The following CEP78 variants were observed in gnomAD, a reference collection of about 807,000 sequenced individuals.
The protein encoded by CEP78 is centrosomal protein of 78 kDa.
CEP78 carries 76 observed loss-of-function variants against 81.2 expected under a neutral mutation model. The observed-to-expected ratio is 0.94, with a 90% confidence interval of 0.78 to 1.13. CEP78 has a LOEUF of 1.13. Ranked by LOEUF, CEP78 falls within the 50% of genes most tolerant of loss-of-function variation. The probability of loss-of-function intolerance (pLI) is 0.00; values close to 1 mark genes in which losing one functional copy is unlikely to be tolerated. For missense variants in CEP78, 918 were observed against 846.8 expected (o/e 1.08, Z -1.04); for synonymous variants, 293 against 301.4 (o/e 0.97, Z 0.29).
intron 9 of CEP78, 31 bp downstream of exon 9, chr9:78,252,074 A>G (rs1260212737): frequency 2.0e-6 from 3 of 1,530,774 alleles, no homozygotes; most frequent in Non-Finnish European, 2.7e-6. Context: ...ATCTTTTAGG[A>G]TAAAAATGGG....
Position 78,264,249 on chromosome 9 carries a change from G to A in CEP78, c.1558G>A (p.Val520Ile). ...AAATATGATCCTGGATGATGAAGGTGTTTTGGGCAGCATTGAGAATTCTTT... is the reference window on the plus strand; with the variant it reads ...AAATATGATCCTGGATGATGAAGGTATTTTGGGCAGCATTGAGAATTCTTT... ...LTNMILDDEG[V>I]LGSIENSFQK... The change falls in exon 13 of 17, where the codon GTT (valine) becomes ATT (isoleucine). Residue 520 changes from valine (V) to isoleucine (I), a missense_variant. By Grantham distance (29) the Val-to-Ile change is conservative (BLOSUM62 3). Transcript: ENST00000643273. 1 of 1,612,244 alleles carries A rather than the reference G, an allele frequency of 6.2e-7. No individual in the cohort carries two copies. The highest frequency in any genetic ancestry group is 1.1e-5 in the South Asian group (1 of 90,986).
chr9:78,267,060 TG>T lies in CEP78; in HGVS notation c.2107+358del, dbSNP rs572942692. On this transcript the variant is annotated intron_variant, in intron 16 of 16. Transcript: ENST00000643273. ...CTTTAAATTTTAATAAATTTTCTTA[TG>T]TTTTTATTATGGCATATGGTGTCTT... The T allele has an allele frequency of 3.5e-4, 394 of 1,140,468 alleles. 1 individual carries two copies. The South Asian group carries it at 5.0e-3, about 15-fold the overall frequency. The allele number at this position is 1,140,468 out of a possible 1,614,324, so 70.6% of individuals were successfully genotyped here.
At chr9:78,255,070 T>G in intron 11 of CEP78, 106 bp downstream of exon 11, 1 of 896,532 alleles carries the variant, frequency 1.1e-6, no homozygotes, top group Non-Finnish European at 1.6e-6. Flanking sequence ...GGAATTCTGT[T>G]TTCGCCTTCC....
In CEP78 at chr9:78,270,909, G is replaced by C; in HGVS notation, c.*58G>C. 1 of 655,168 alleles carries C rather than the reference G, an allele frequency of 1.5e-6. No homozygotes were observed. Among genetic ancestry groups the C allele is most frequent in the South Asian group, 1.7e-5 (1 of 57,362 alleles). The allele number at this position is 655,168 out of a possible 1,614,324, so 40.6% of individuals were successfully genotyped here. ...AGCAGAGTTGGAAAACCAGAAATTT[G>C]AACAGTGAAATTTCTGGAAGATAAG... is the stretch of plus-strand genomic sequence containing the variant. On this transcript the variant is annotated 3_prime_UTR_variant, in exon 17 of 17. Coordinates refer to ENST00000643273, the MANE Select transcript of CEP78 (RefSeq NM_001330691.3).
chr9:78,256,241 T>G (rs1034484997), intron 11 of CEP78, among the ~76,000 whole-genome samples: 3 of 152,084 alleles, frequency 2.0e-5, no homozygotes, highest in Admixed American at 6.6e-5. Context: ...TACACAGATA[T>G]GCATATAGGA....
At chr9:78,246,194 T>C (rs1171689432) in intron 5 of CEP78, among the ~76,000 whole-genome samples, 2 of 152,126 alleles carry the variant, frequency 1.3e-5, no homozygotes, top group Non-Finnish European at 1.5e-5. Context: ...TGTGTGTGCA[T>C]ATGGTTTTCT....
chr9:78,267,208 G>T, intron 16 of CEP78: 1 of 441,006 alleles, frequency 2.3e-6, no homozygotes. Flanking sequence ...TTTACTGAGG[G>T]GCTAGTATGT....
At chr9:78,242,862 T>G (rs1321727671) in intron 4 of CEP78, among the ~76,000 whole-genome samples, 2 of 152,200 alleles carry the variant, frequency 1.3e-5, no homozygotes, top group African/African-American at 4.8e-5. Context: ...CTTTGTATAT[T>G]CTAGGCCTCT....
At chr9:78,254,263 T>C (rs1300537121) in intron 10 of CEP78, among the ~76,000 whole-genome samples, 1 of 152,200 alleles carries the variant, frequency 6.6e-6, no homozygotes, top group African/African-American at 2.4e-5. Flanking sequence ...AGACAGGGTC[T>C]TGCTATGTTG....
In CEP78 at chr9:78,270,900, C is replaced by T. The variant is rs1018574472; in HGVS notation, c.*49C>T. 15 of 659,644 alleles carry T rather than the reference C, an allele frequency of 2.3e-5. No homozygotes were observed. The highest frequency in any genetic ancestry group is 5.2e-5 in the Admixed American group (2 of 38,532). The allele number at this position is 659,644 out of a possible 1,614,324, so 40.9% of individuals were successfully genotyped here. A position where few individuals can be genotyped will look rare whatever the true frequency, so the allele number is the denominator to read the frequency against. ...AAAAATAATAGCAGAGTTGGAAAAC[C>T]AGAAATTTGAACAGTGAAATTTCTG... On this transcript the variant is annotated 3_prime_UTR_variant, in exon 17 of 17. Coordinates refer to ENST00000643273, the MANE Select transcript of CEP78 (RefSeq NM_001330691.3).
rs563933588 is a variant in CEP78 at position 78,277,036 on chromosome 9, C to A, written c.*6185C>A. On this transcript the variant is annotated 3_prime_UTR_variant, in exon 17 of 17. Coordinates refer to ENST00000643273, the MANE Select transcript of CEP78 (RefSeq NM_001330691.3). ...TAGAACCGAGAACCTAGGAACAGAG[C>A]AATGTATATATATATGTATTTAAAA... is the stretch of plus-strand genomic sequence containing the variant. 2.6e-5 allele frequency: 4 copies of A among 151,480 alleles called. No homozygotes were observed. The highest frequency in any genetic ancestry group is 2.1e-4 in the South Asian group (1 of 4,758). The allele number at this position is 151,480 out of a possible 1,614,324, so 9.4% of individuals were successfully genotyped here. A position where few individuals can be genotyped will look rare whatever the true frequency, so the allele number is the denominator to read the frequency against.
In CEP78 at chr9:78,273,258, C is replaced by A. The variant is rs1044163538; in HGVS notation, c.*2407C>A. ...CTATTTGCAAAATCTAAAACGCTGT[C>A]ATAGATTATAAAGAGATGAACAAAA... On this transcript the variant is annotated 3_prime_UTR_variant, in exon 17 of 17. Coordinates refer to ENST00000643273, the MANE Select transcript of CEP78 (RefSeq NM_001330691.3). The A allele has an allele frequency of 6.6e-6, 1 of 152,098 alleles. No homozygotes were observed. The highest frequency in any genetic ancestry group is 1.5e-5 in the Non-Finnish European group (1 of 68,022). 9.4% of individuals were successfully genotyped at this position (152,098 alleles called of 1,614,324 possible).
At chr9:78,244,878 T>A (rs1403643173) in intron 5 of CEP78, among the ~76,000 whole-genome samples, 3 of 152,214 alleles carry the variant, frequency 2.0e-5, no homozygotes, top group Non-Finnish European at 4.4e-5. Flanking sequence ...GGTAAATTCT[T>A]AGAAGGAGAG....
Position 78,265,845 on chromosome 9 carries a change from C to A in CEP78, c.1798-14C>A. 1 of 1,270,746 alleles carries A rather than the reference C, an allele frequency of 7.9e-7. No homozygotes were observed. Among genetic ancestry groups the A allele is most frequent in the South Asian group, 1.3e-5 (1 of 78,200 alleles). 78.7% of individuals were successfully genotyped at this position (1,270,746 alleles called of 1,614,324 possible). A position where few individuals can be genotyped will look rare whatever the true frequency, so the allele number is the denominator to read the frequency against. On this transcript the variant is annotated splice_polypyrimidine_tract_variant and intron_variant, in intron 14 of 16. Transcript: ENST00000643273. ...CAATTTTATAAATGTCTATTCTATT[C>A]ATATTCCATCTAGGTTTCTATTTGT...
At chr9:78,263,484 T>G (rs1165963051) in intron 12 of CEP78, among the ~76,000 whole-genome samples, 5 of 152,124 alleles carry the variant, frequency 3.3e-5, no homozygotes, top group Non-Finnish European at 5.9e-5. Flanking sequence ...TAACTATAAT[T>G]TATTATTACA....
rs4877502 is a variant in CEP78, at chr9:78,241,993, A to G, written c.603+194A>G. On this transcript the variant is annotated intron_variant, in intron 4 of 16. Transcript: ENST00000643273. ...AAAGGTAGTATGCTTAATCTTAGAA[A>G]TAGAAGACCTAAAATATAATAATTA... Among the ~76,000 whole-genome samples the G allele has an allele frequency of 0.29, 44,641 of 152,128 alleles. 7,935 individuals carry two copies. The highest frequency in any genetic ancestry group is 0.41 in the Middle Eastern group (121 of 292).
rs1206496588 is a variant in CEP78 at position 78,236,433 on chromosome 9, C to G, written c.83C>G (p.Ser28Trp). 6.2e-7 allele frequency: 1 copy of G among 1,602,276 alleles called. No individual in the cohort carries two copies. The highest frequency in any genetic ancestry group is 1.1e-5 in the South Asian group (1 of 89,090). ...GAGTACCTGTGCGCGCTGCAGAACT[C>G]GGTGCCGCTGCCCGCCGTGCGCGCC... ...HYEYLCALQN[S>W]VPLPAVRACL... Residue 28 changes from serine to tryptophan, a missense_variant, in exon 1 of 17, where the codon TCG (serine) becomes TGG (tryptophan). By Grantham distance (177) the Ser-to-Trp change is radical. Coordinates refer to ENST00000643273, the MANE Select transcript of CEP78 (RefSeq NM_001330691.3).
At chr9:78,254,433 C>T (rs1393426411) in intron 10 of CEP78, 3 of 152,296 alleles carry the variant, frequency 2.0e-5, no homozygotes, top group East Asian at 1.9e-4. Context: ...TCCTAAAAAT[C>T]GTCCTGTCTT....
Position 78,274,311 on chromosome 9 carries a change from G to C in CEP78, c.*3460G>C, listed in dbSNP as rs1416151479. On this transcript the variant is annotated 3_prime_UTR_variant, in exon 17 of 17. Transcript: ENST00000643273. ...GACAGAACAGATTGGAGATTGCCAG[G>C]TGTTGGGGTTGGGAGGAGTTGATTA... 8 of 152,320 alleles carry C rather than the reference G, an allele frequency of 5.3e-5. No homozygotes were observed. The highest frequency in any genetic ancestry group is 4.4e-5 in the Non-Finnish European group (3 of 68,088). 9.4% of individuals were successfully genotyped at this position (152,320 alleles called of 1,614,324 possible).
Sources: gnomAD v4.1 joint callset for allele counts (sites outside exome capture counted in the v4.1 genomes callset) on GRCh38, gnomAD v4.1.1 for gene constraint, MANE v1.5 for transcripts, NCBI Gene and HGNC (gene_info 2026-07-23, HGNC 2026-07-21) for gene names.